RIN3: variants seen among roughly 807,000 people sequenced by gnomAD.
RIN3 encodes the protein Ras and Rab interactor 3.
A neutral mutation model predicts 76.3 loss-of-function variants in RIN3; 54 were observed. That is an observed-to-expected ratio of 0.71 (90% CI 0.57 to 0.89). The LOEUF is 0.89. RIN3 is among the 40% of genes least tolerant of loss of function. RIN3 has a pLI of 0.00. For missense variants in RIN3, 1,256 were observed against 1,322.1 expected, an observed-to-expected ratio of 0.95 and a Z score of 0.78; for synonymous variants, 576 against 564.0, an observed-to-expected ratio of 1.02 and a Z score of -0.30.
Position 92,656,815 on chromosome 14 carries a change from G to T in RIN3, c.2027-2346G>T. On this transcript the variant is annotated intron_variant, in intron 6 of 9. Coordinates refer to ENST00000216487, the MANE Select transcript of RIN3 (RefSeq NM_024832.5). The surrounding 1 kb of genome is among the most constrained non-coding windows in gnomAD (Gnocchi z 5.2). ...CATCCACAGCAATGGTGCCATTCCAGACACTGCATGTGTCAGCCTCATGAC... is the reference window on the plus strand; with the variant it reads ...CATCCACAGCAATGGTGCCATTCCATACACTGCATGTGTCAGCCTCATGAC... Among the ~76,000 whole-genome samples the T allele has an allele frequency of 6.6e-6, 1 of 152,214 alleles. No individual in the cohort carries two copies. The highest frequency in any genetic ancestry group is 1.5e-5 in the Non-Finnish European group (1 of 68,038).
rs538091011 is a variant in RIN3 at position 92,657,540 on chromosome 14, A to C, written c.2027-1621A>C. On this transcript the variant is annotated intron_variant, in intron 6 of 9. Coordinates refer to ENST00000216487, the MANE Select transcript of RIN3 (RefSeq NM_024832.5). The stretch of plus-strand genomic sequence containing the variant: ...AGAGATCCTGCGGCTCTTAGATGTG[A>C]AGGGGCCGGGAGGGCGTGGGCACAG... 5.9e-5 allele frequency among the ~76,000 whole-genome samples: 9 copies of C among 152,254 alleles called. No individual in the cohort carries two copies. In the East Asian group the frequency reaches 9.6e-4, roughly 16 times the overall value.
At chr14:92,644,206 T>C (rs1276311277) in intron 5 of RIN3, among the ~76,000 whole-genome samples, 1 of 152,168 alleles carries the variant, frequency 6.6e-6, no homozygotes, top group Non-Finnish European at 1.5e-5. Flanking sequence ...TCTGTTGTTT[T>C]TGCAACGAGC....
At chr14:92,597,987 T>C (rs1313533659) in intron 3 of RIN3, among the ~76,000 whole-genome samples, 1 of 152,226 alleles carries the variant, frequency 6.6e-6, no homozygotes, top group African/African-American at 2.4e-5. Context: ...AAGATGGTCA[T>C]GCACTCTTTG....
At chr14:92,647,209 G>A (rs1887232825) in intron 5 of RIN3, among the ~76,000 whole-genome samples, 1 of 152,204 alleles carries the variant, frequency 6.6e-6, no homozygotes, top group Non-Finnish European at 1.5e-5. Context: ...CCATGTGATG[G>A]CTCACAGTGT....
chr14:92,651,514 C>A, intron 5 of RIN3, 68 bp from the exon 6 acceptor site: 1 of 1,152,072 alleles, frequency 8.7e-7, no homozygotes, highest in Non-Finnish European at 1.2e-6. Flanking sequence ...GCCCACAGAC[C>A]CCGCCCAGCA....
intron 3 of RIN3, among the ~76,000 whole-genome samples, chr14:92,597,724 C>T (rs8013925): frequency 0.52 from 78,288 of 151,882 alleles, 20,293 homozygotes; most frequent in South Asian, 0.62. Flanking sequence ...AGGACTCCAG[C>T]TGGATCCCTA....
In RIN3 at chr14:92,623,893, C is replaced by T. The variant is rs542846580; in HGVS notation, c.440+8414C>T. Among the ~76,000 whole-genome samples, 6 of 152,308 alleles carry T rather than the reference C, an allele frequency of 3.9e-5. No individual in the cohort carries two copies. The highest frequency in any genetic ancestry group is 9.6e-5 in the African/African-American group (4 of 41,576). ...CTGGAGATGGAGGCTGGATGGCCCT[C>T]GGGGGCTCACCCTCAAGGTGTTGAG... is the stretch of plus-strand genomic sequence containing the variant. On this transcript the variant is annotated intron_variant, in intron 4 of 9. Coordinates refer to ENST00000216487, the MANE Select transcript of RIN3 (RefSeq NM_024832.5). The surrounding 1 kb of genome is among the most constrained non-coding windows in gnomAD (Gnocchi z 4.9).
At chr14:92,547,686 G>A (rs564476064) in intron 1 of RIN3, among the ~76,000 whole-genome samples, 8 of 151,042 alleles carry the variant, frequency 5.3e-5, no homozygotes, top group Admixed American at 4.6e-4. Flanking sequence ...GTGAATCACT[G>A]TGCCTGGCCT....
Position 92,631,057 on chromosome 14 carries a change from C to T in RIN3, c.441-10181C>T, listed in dbSNP as rs187192261. Among the ~76,000 whole-genome samples the T allele has an allele frequency of 1.1e-4, 16 of 152,334 alleles. No homozygotes were observed. The East Asian group carries it at 2.9e-3, about 28-fold the overall frequency. ...GAGGCATATCATGTGCCTTGTGTCA[C>T]CTCCAGGACATGGCACAGAGGGGTG... On this transcript the variant is annotated intron_variant, in intron 4 of 9. Transcript: ENST00000216487.
At chr14:92,657,234 C>A (rs1398061187) in intron 6 of RIN3, among the ~76,000 whole-genome samples, 1 of 152,108 alleles carries the variant, frequency 6.6e-6, no homozygotes, top group Admixed American at 6.5e-5. Context: ...GTGGTGGGTA[C>A]CTGTAATCCC....
intron 1 of RIN3, among the ~76,000 whole-genome samples, chr14:92,544,169 G>C (rs1346796829): frequency 6.6e-6 from 1 of 152,128 alleles, no homozygotes; most frequent in African/African-American, 2.4e-5. Flanking sequence ...GAGGCTCAAA[G>C]AGGTAGAGGA....
chr14:92,519,421 G>T (rs975915075), intron 1 of RIN3, among the ~76,000 whole-genome samples: 1 of 152,238 alleles, frequency 6.6e-6, no homozygotes, highest in Admixed American at 6.5e-5. Context: ...CAGGCGGGGA[G>T]CCCTGGTGTG....
At position 92,688,005 on chromosome 14, in the gene RIN3, C is replaced by A. The variant is rs1268176866; in HGVS notation, c.2711C>A (p.Ala904Glu). The part of the protein sequence containing the change: ...LASRADTQAQ[A>E]LCAQCAEKFA... Reference sequence around the variant, plus strand: ...TCGCGGGCGGACACCCAGGCCCAGGCGCTGTGCGCGCAGTGCGCGGAGAAG... The same window carrying A: ...TCGCGGGCGGACACCCAGGCCCAGGAGCTGTGCGCGCAGTGCGCGGAGAAG... The change falls in exon 10 of 10, where the codon GCG (alanine) becomes GAG (glutamate). Residue 904 changes from alanine (A) to glutamate (E), a missense_variant. Ala to Glu is a moderately radical substitution (Grantham distance 107, BLOSUM62 -1). Coordinates refer to ENST00000216487, the MANE Select transcript of RIN3 (RefSeq NM_024832.5). 6.4e-7 allele frequency: 1 copy of A among 1,573,018 alleles called. No homozygotes were observed. The highest frequency in any genetic ancestry group is 1.4e-5 in the African/African-American group (1 of 74,012).
chr14:92,590,806 A>G (rs1370698782), intron 3 of RIN3, among the ~76,000 whole-genome samples: 1 of 152,218 alleles, frequency 6.6e-6, no homozygotes, highest in Non-Finnish European at 1.5e-5. Flanking sequence ...GCACAGGCTC[A>G]GTGAAAGACT....
chr14:92,572,462 G>T (rs1898087860), intron 2 of RIN3, among the ~76,000 whole-genome samples: 1 of 152,186 alleles, frequency 6.6e-6, no homozygotes, highest in Admixed American at 6.5e-5. Flanking sequence ...TATCTCTTGG[G>T]AGACTGTGTT....
In RIN3 at chr14:92,686,270, A is replaced by G. The variant is rs1888855490; in HGVS notation, c.2631+1120A>G. 3 of 152,212 alleles carry G rather than the reference A, an allele frequency of 2.0e-5. No homozygotes were observed. The South Asian group carries it at 6.2e-4, about 32-fold the overall frequency. The allele number at this position is 152,212 out of a possible 1,614,324, so 9.4% of individuals were successfully genotyped here. A position where few individuals can be genotyped will look rare whatever the true frequency, so the allele number is the denominator to read the frequency against. On this transcript the variant is annotated intron_variant, in intron 9 of 9. Transcript: ENST00000216487. ...CTAGCTTGCTGTGTGACCCTCAGCA[A>G]TCCCTGCCCCACTCTGGGACTCAGT...
chr14:92,587,785 C>T (rs1884830661), intron 3 of RIN3, among the ~76,000 whole-genome samples: 2 of 151,942 alleles, frequency 1.3e-5, no homozygotes, highest in Admixed American at 1.3e-4. Flanking sequence ...CACAGGAGAG[C>T]ACCGGGTTTG....
intron 1 of RIN3, among the ~76,000 whole-genome samples, chr14:92,527,803 G>C (rs969477050): frequency 1.3e-5 from 2 of 152,150 alleles, no homozygotes; most frequent in Non-Finnish European, 2.9e-5. Context: ...TTTGAGGTCT[G>C]CCTGGGTTGT....
chr14:92,687,363 C>T (rs930671029), intron 9 of RIN3: 3 of 152,576 alleles, frequency 2.0e-5, no homozygotes, highest in Non-Finnish European at 4.4e-5. Flanking sequence ...CCGCCCTGCT[C>T]ATGCCGGGCC....
Sources: allele counts gnomAD v4.1 joint callset (sites outside exome capture counted in the v4.1 genomes callset), GRCh38; gene constraint gnomAD v4.1.1; non-coding constraint Gnocchi (gnomAD v3.1); transcripts MANE v1.5; gene names NCBI Gene and HGNC (gene_info 2026-07-23, HGNC 2026-07-21).